The following AMMECR1 variants were observed in gnomAD, a reference collection of about 807,000 sequenced individuals.
AMMECR1 encodes AMMECR nuclear protein 1, also known as nuclear protein AMMECR1.
A neutral mutation model predicts 22.5 loss-of-function variants in AMMECR1; 3 were observed. That is an observed-to-expected ratio of 0.13 (90% CI 0.06 to 0.35). AMMECR1 has a LOEUF of 0.35. Among genes scored for constraint, AMMECR1 ranks in the 10% least tolerant of loss-of-function variants. AMMECR1 has a pLI of 1.00. For missense variants in AMMECR1, 235 were observed against 278.7 expected, an observed-to-expected ratio of 0.84 and a Z score of 1.12; for synonymous variants, 130 against 116.7, an observed-to-expected ratio of 1.11 and a Z score of -0.74.
At chrX:110,366,925 T>C (rs2068301044) in intron 2 of AMMECR1, among the ~76,000 whole-genome samples, 1 of 111,563 alleles carries the variant, frequency 9.0e-6, no homozygotes, top group Non-Finnish European at 1.9e-5. Context: ...TCCTCAAACT[T>C]CCGACACTTG....
At position 110,342,112 on chromosome X, in the gene AMMECR1, TA is replaced by T. The variant is rs747821359; in HGVS notation, c.-147-24264del. Among the ~76,000 whole-genome samples, 49 of 111,055 alleles carry T rather than the reference TA, an allele frequency of 4.4e-4. 1 individual carries two copies. Among genetic ancestry groups the T allele is most frequent in the South Asian group, 3.4e-3 (9 of 2,622 alleles). ...AGCTAAATATTCTCAATTTAGTAAA[TA>T]AAAAAAACTTTTATTAAAGTATATT... On this transcript the variant is annotated intron_variant, in intron 2 of 7. Coordinates refer to the AMMECR1 transcript ENST00000372057.
chrX:110,332,088 A>G (rs1161464691), intron 2 of AMMECR1, among the ~76,000 whole-genome samples: 2 of 111,407 alleles, frequency 1.8e-5, no homozygotes, highest in Admixed American at 1.9e-4. Context: ...GACAAGGACA[A>G]TGTTGTGAAT....
chrX:110,232,672 C>T (rs1447740400), intron 2 of AMMECR1, among the ~76,000 whole-genome samples: 1 of 109,872 alleles, frequency 9.1e-6, no homozygotes, highest in African/African-American at 3.3e-5. Flanking sequence ...GGGCAGATCA[C>T]AAGGTCAGGA....
At chrX:110,345,033 GAC>G (rs1465672227) in intron 2 of AMMECR1, among the ~76,000 whole-genome samples, 3 of 112,078 alleles carry the variant, frequency 2.7e-5, no homozygotes, top group Admixed American at 9.4e-5. Flanking sequence ...CTGCTATAAA[GAC>G]ACATGCACAT....
chrX:110,271,092 G>T (rs2067796006), intron 1 of AMMECR1, among the ~76,000 whole-genome samples: 1 of 111,532 alleles, frequency 9.0e-6, no homozygotes, highest in Non-Finnish European at 1.9e-5. Flanking sequence ...CCAACCATTT[G>T]CTGTAGATAA....
intron 2 of AMMECR1, among the ~76,000 whole-genome samples, chrX:110,404,501 G>A (rs937994890): frequency 5.4e-5 from 6 of 112,039 alleles, no homozygotes; most frequent in Non-Finnish European, 1.1e-4. Context: ...CATGCTGGTT[G>A]GTAATAGGAA....
chrX:110,388,532 T>G (rs191763092), intron 2 of AMMECR1, among the ~76,000 whole-genome samples: 1 of 111,798 alleles, frequency 8.9e-6, no homozygotes, highest in African/African-American at 3.3e-5. Flanking sequence ...GTTTTCTGAA[T>G]GTTAAGAGGA....
intron 2 of AMMECR1, among the ~76,000 whole-genome samples, chrX:110,249,745 CA>C (rs1418548993): frequency 8.9e-6 from 1 of 111,771 alleles, no homozygotes; most frequent in Non-Finnish European, 1.9e-5. Flanking sequence ...ACTGAAAATA[CA>C]AAAATTAGCT....
At chrX:110,208,956 A>T (rs1056887812) in intron 3 of AMMECR1, among the ~76,000 whole-genome samples, 1 of 111,689 alleles carries the variant, frequency 9.0e-6, no homozygotes, top group Admixed American at 9.5e-5. Flanking sequence ...CGTGCTTTCT[A>T]TCAAAGTTAG....
At chrX:110,224,958 G>GT (rs745409197) in intron 2 of AMMECR1, 1 of 346,783 alleles carries the variant, frequency 2.9e-6, no homozygotes, top group Admixed American at 3.0e-5. Flanking sequence ...TTAGTTTTTC[G>GT]TTTTTTAAAT....
Position 110,198,654 on chromosome X carries a change from G to C in AMMECR1, c.888-20C>G, listed in dbSNP as rs1402809152. The C allele has an allele frequency of 4.5e-6, 5 of 1,103,163 alleles. No individual in the cohort carries two copies. The highest frequency in any genetic ancestry group is 6.3e-6 in the Non-Finnish European group (5 of 797,511). 90.9% of individuals were successfully genotyped at this position (1,103,163 alleles called of 1,213,427 possible). On this transcript the variant is annotated intron_variant, in intron 5 of 5. Coordinates refer to ENST00000262844, the MANE Select transcript of AMMECR1 (RefSeq NM_015365.3). ...CGATACCTGAAAGAAAGTCAGGGAA[G>C]AGAAAAGTTAACATTGAGAAGTAGG...
intron 2 of AMMECR1, among the ~76,000 whole-genome samples, chrX:110,350,833 A>G (rs1190556103): frequency 1.8e-5 from 2 of 109,969 alleles, no homozygotes; most frequent in Non-Finnish European, 3.8e-5. Context: ...TTAGCTGGGC[A>G]TGGTGGCACG....
chrX:110,312,075 A>T (rs759830931), intron 1 of AMMECR1, among the ~76,000 whole-genome samples: 127 of 112,855 alleles, frequency 1.1e-3, no homozygotes, highest in African/African-American at 3.9e-3. Context: ...GTGCTGCTTT[A>T]TAAGAGCCAA....
chrX:110,333,354 G>A (rs928700972), intron 2 of AMMECR1, among the ~76,000 whole-genome samples: 1 of 111,986 alleles, frequency 8.9e-6, no homozygotes, highest in Non-Finnish European at 1.9e-5. Context: ...AGGATGTGGA[G>A]AAATAGGGAC....
intron 2 of AMMECR1, among the ~76,000 whole-genome samples, chrX:110,243,991 C>G (rs2067645970): frequency 9.0e-6 from 1 of 111,506 alleles, no homozygotes; most frequent in African/African-American, 3.3e-5. Flanking sequence ...AAAAATGACT[C>G]TTTAACAAAC....
At chrX:110,390,314 T>A in intron 2 of AMMECR1, among the ~76,000 whole-genome samples, 1 of 111,960 alleles carries the variant, frequency 8.9e-6, no homozygotes, top group Admixed American at 9.5e-5. Context: ...AAAATAAATG[T>A]TTACAAGCTT....
intron 2 of AMMECR1, among the ~76,000 whole-genome samples, chrX:110,355,964 G>A (rs927718998): frequency 9.0e-6 from 1 of 111,197 alleles, no homozygotes; most frequent in African/African-American, 3.3e-5. Flanking sequence ...ACTATGCTAT[G>A]TGAAATAAGG....
intron 1 of AMMECR1, among the ~76,000 whole-genome samples, chrX:110,269,692 G>A (rs1219087978): frequency 9.0e-6 from 1 of 111,272 alleles, no homozygotes; most frequent in African/African-American, 3.3e-5. Context: ...AATTCCCCAG[G>A]ATCTAGCAGC....
At chrX:110,436,782 G>A (rs754664000) in intron 1 of AMMECR1, among the ~76,000 whole-genome samples, 49 of 112,131 alleles carry the variant, frequency 4.4e-4, no homozygotes, top group Non-Finnish European at 8.1e-4. Flanking sequence ...GAGGGAGGTA[G>A]AGAGTGGGGC....
Sources: gnomAD v4.1 joint callset for allele counts (sites outside exome capture counted in the v4.1 genomes callset) on GRCh38, gnomAD v4.1.1 for gene constraint, MANE v1.5 for transcripts, NCBI Gene and HGNC (gene_info 2026-07-23, HGNC 2026-07-21) for gene names.